The following FIBCD1 variants were observed in gnomAD, a reference collection of about 807,000 sequenced individuals.
FIBCD1 encodes fibrinogen C domain-containing protein 1.
A neutral mutation model predicts 45.1 loss-of-function variants in FIBCD1; 47 were observed. That is an observed-to-expected ratio of 1.04 (90% CI 0.82 to 1.33). The LOEUF is 1.33. Ranked by LOEUF, FIBCD1 falls within the 40% of genes most tolerant of loss-of-function variation. The pLI, the probability that FIBCD1 is intolerant of heterozygous loss-of-function variation, is 0.00. For synonymous variants in FIBCD1, 313 were observed against 308.1 expected, an observed-to-expected ratio of 1.02 and a Z score of -0.17; for missense variants, 653 against 682.2, an observed-to-expected ratio of 0.96 and a Z score of 0.48.
intron 2 of FIBCD1, among the ~76,000 whole-genome samples, chr9:130,929,049 G>C (rs1211557529): frequency 6.6e-6 from 1 of 152,154 alleles, no homozygotes; most frequent in Non-Finnish European, 1.5e-5. Flanking sequence ...GGACAGGCTA[G>C]GGGTCTGGCT....
intron 4 of FIBCD1, among the ~76,000 whole-genome samples, chr9:130,915,820 T>C (rs1408681585): frequency 6.6e-6 from 1 of 152,182 alleles, no homozygotes; most frequent in African/African-American, 2.4e-5. Flanking sequence ...GGTCTGGCCT[T>C]GAAGAAGTGA....
intron 4 of FIBCD1, among the ~76,000 whole-genome samples, chr9:130,920,097 G>A (rs1379348199): frequency 2.0e-5 from 3 of 151,556 alleles, no homozygotes; most frequent in Admixed American, 6.6e-5. Context: ...CAAGAGGGCC[G>A]CCCCACTGGA....
rs144937549 is a variant in FIBCD1 at position 130,921,576 on chromosome 9, G to A, written c.849+2168C>T. Among the ~76,000 whole-genome samples, 909 of 152,312 alleles carry A rather than the reference G, an allele frequency of 6.0e-3. 6 individuals carry two copies. The highest frequency in any genetic ancestry group is 0.02 in the African/African-American group (821 of 41,576). ...AATCGCCCCTGAAGCTGAGTCCGTC[G>A]GAATGACCGGCCTCCCAGCCCAAAT... On this transcript the variant is annotated intron_variant, in intron 4 of 6. Coordinates refer to ENST00000372338, the MANE Select transcript of FIBCD1 (RefSeq NM_032843.5).
intron 1 of FIBCD1, among the ~76,000 whole-genome samples, chr9:130,936,902 A>G (rs893537761): frequency 6.6e-6 from 1 of 151,500 alleles, no homozygotes; most frequent in Non-Finnish European, 1.5e-5. Context: ...GGCATCAGGA[A>G]GTCTTCCTGG....
At chr9:130,939,493 GC>G (rs965386042), upstream of FIBCD1, among the ~76,000 whole-genome samples, 10 of 151,886 alleles carry the variant, frequency 6.6e-5, no homozygotes, top group Non-Finnish European at 1.5e-5. Flanking sequence ...TGGCCGGTGG[GC>G]GTCCCAGTCC....
Position 130,904,326 on chromosome 9 carries a change from G to A in FIBCD1, c.1127-3C>T. ...GCTGTGCTTCAGGAGGGAGTCGCCT[G>A]CGCAGGGGTGCACACAGGTGTGGGC... On this transcript the variant is annotated splice_polypyrimidine_tract_variant and splice_region_variant and intron_variant, in intron 6 of 6. Coordinates refer to ENST00000372338, the MANE Select transcript of FIBCD1 (RefSeq NM_032843.5). 6.2e-7 allele frequency: 1 copy of A among 1,602,298 alleles called. No individual in the cohort carries two copies.
At chr9:130,907,437 G>A (rs561557334) in intron 5 of FIBCD1, among the ~76,000 whole-genome samples, 1 of 152,254 alleles carries the variant, frequency 6.6e-6, no homozygotes, top group East Asian at 1.9e-4. Context: ...AGATTCCCTG[G>A]GCCCCTGATC....
rs201296890 is a variant in FIBCD1, at chr9:130,916,286, ATGT to A, written c.850-4401_850-4399del. ...TCCACTCTATTTGATTGAAAAAATA[ATGT>A]TGATCAAACCCATTCAGTTGATTTT... On this transcript the variant is annotated intron_variant, in intron 4 of 6. Transcript: ENST00000372338. 7.6e-3 allele frequency among the ~76,000 whole-genome samples: 1,153 copies of A among 152,322 alleles called. 12 individuals are homozygous for A. The highest frequency in any genetic ancestry group is 0.026 in the African/African-American group (1,094 of 41,546).
In FIBCD1 at chr9:130,924,430, G is replaced by A. The variant is rs773273935; in HGVS notation, c.553-34C>T. 6 of 1,569,632 alleles carry A rather than the reference G, an allele frequency of 3.8e-6. No individual in the cohort carries two copies. In the East Asian group the frequency reaches 1.4e-4, roughly 36 times the overall value. ...CACAGGGGGTGAGCCGAGGGGGCAG[G>A]GGCTCTGTTGGGGGTGGGGTGGCGC... On this transcript the variant is annotated intron_variant, in intron 2 of 6. Transcript: ENST00000372338.
chr9:130,936,701 A>C (rs1456504881), intron 1 of FIBCD1, among the ~76,000 whole-genome samples: 1 of 152,234 alleles, frequency 6.6e-6, no homozygotes, highest in East Asian at 1.9e-4. Context: ...ATGCAGTGCC[A>C]TTCAGCAAAC....
At chr9:130,912,455 C>G (rs1832075145) in intron 4 of FIBCD1, among the ~76,000 whole-genome samples, 1 of 149,784 alleles carries the variant, frequency 6.7e-6, no homozygotes, top group Non-Finnish European at 1.5e-5. Flanking sequence ...GCCTGTAATC[C>G]CAGAACTTTG....
At chr9:130,917,479 G>A (rs113312560) in intron 4 of FIBCD1, among the ~76,000 whole-genome samples, 15 of 152,342 alleles carry the variant, frequency 9.8e-5, no homozygotes, top group African/African-American at 2.6e-4. Flanking sequence ...CTCTGGACGC[G>A]GAGGAAGGAA....
At chr9:130,915,723 T>G (rs1409429841) in intron 4 of FIBCD1, among the ~76,000 whole-genome samples, 1 of 152,002 alleles carries the variant, frequency 6.6e-6, no homozygotes, top group Non-Finnish European at 1.5e-5. Context: ...AAAAATAAAC[T>G]GCAGCAACTG....
chr9:130,909,121 C>T (rs753324526), intron 5 of FIBCD1, among the ~76,000 whole-genome samples: 1 of 152,104 alleles, frequency 6.6e-6, no homozygotes, highest in Non-Finnish European at 1.5e-5. Context: ...GCTCTGACCC[C>T]GCTCGCTCGC....
At chr9:130,931,548 C>T (rs968068016) in intron 1 of FIBCD1, among the ~76,000 whole-genome samples, 4 of 152,100 alleles carry the variant, frequency 2.6e-5, no homozygotes, top group South Asian at 4.2e-4. Flanking sequence ...AAAACGGAAA[C>T]GAAGGGCAGG....
At chr9:130,936,660 G>A (rs187761837) in intron 1 of FIBCD1, among the ~76,000 whole-genome samples, 12 of 152,360 alleles carry the variant, frequency 7.9e-5, no homozygotes, top group East Asian at 5.8e-4. Context: ...CCTGCTGGCC[G>A]TCTCCTGAGG....
At chr9:130,932,033 T>C (rs1832452869) in intron 1 of FIBCD1, among the ~76,000 whole-genome samples, 1 of 152,256 alleles carries the variant, frequency 6.6e-6, no homozygotes, top group Non-Finnish European at 1.5e-5. Context: ...AAGTGTTATT[T>C]CTGTGTGTCG....
intron 2 of FIBCD1, 48 bp from the exon 3 acceptor site, chr9:130,924,444 G>A: frequency 1.3e-6 from 2 of 1,530,484 alleles, no homozygotes; most frequent in South Asian, 1.2e-5. Context: ...TCTGTTGGGG[G>A]TGGGGTGGCG....
chr9:130,903,329 G>A lies in FIBCD1; in HGVS notation c.*735C>T, dbSNP rs932318357. ...GGGAGCTGGGTGGGGGATGGGTTGG[G>A]CCTCATTTGAGACAGAGAGCAGGTG... On this transcript the variant is annotated 3_prime_UTR_variant, in exon 7 of 7. Coordinates refer to ENST00000372338, the MANE Select transcript of FIBCD1 (RefSeq NM_032843.5). 2.0e-5 allele frequency: 3 copies of A among 153,566 alleles called. No homozygotes were observed. The highest frequency in any genetic ancestry group is 4.3e-5 in the Non-Finnish European group (3 of 69,016). 9.5% of individuals were successfully genotyped at this position (153,566 alleles called of 1,614,324 possible). A position where few individuals can be genotyped will look rare whatever the true frequency, so the allele number is the denominator to read the frequency against.
Sources: allele counts gnomAD v4.1 joint callset (sites outside exome capture counted in the v4.1 genomes callset), GRCh38; gene constraint gnomAD v4.1.1; transcripts MANE v1.5; gene names NCBI Gene and HGNC (gene_info 2026-07-23, HGNC 2026-07-21).